FAM3D: variants seen among roughly 807,000 people sequenced by gnomAD.
The protein encoded by FAM3D is FAM3 metabolism regulating signaling molecule D.
FAM3D carries 26 observed loss-of-function variants against 29.8 expected under a neutral mutation model. That is an observed-to-expected ratio of 0.87 (90% CI 0.64 to 1.21). FAM3D has a LOEUF of 1.21. FAM3D is among the 50% of genes most tolerant of loss of function. The probability of loss-of-function intolerance (pLI) is 0.00; values close to 1 mark genes in which losing one functional copy is unlikely to be tolerated. For synonymous variants in FAM3D, 115 were observed against 102.3 expected, an observed-to-expected ratio of 1.12 and a Z score of -0.75; for missense variants, 253 against 290.9, an observed-to-expected ratio of 0.87 and a Z score of 0.95.
At chr3:58,643,164 G>A (rs1422344429) in intron 6 of FAM3D, among the ~76,000 whole-genome samples, 1 of 152,196 alleles carries the variant, frequency 6.6e-6, no homozygotes, top group Non-Finnish European at 1.5e-5. Context: ...ACCACATTGA[G>A]ATTGTTTGTG....
At position 58,633,992 on chromosome 3, in the gene FAM3D, G is replaced by A. The variant is rs2066087645; in HGVS notation, c.*287C>T. 2.4e-6 allele frequency: 1 copy of A among 420,050 alleles called. No homozygotes were observed. Among genetic ancestry groups the A allele is most frequent in the Non-Finnish European group, 4.2e-6 (1 of 235,610 alleles). 26.0% of individuals were successfully genotyped at this position (420,050 alleles called of 1,614,324 possible). The stretch of plus-strand genomic sequence containing the variant: ...ATTTAATTGGGCTCAAGTCTGGGCA[G>A]TTTGTCCTTCCTCAGGACCAGCCGT... On this transcript the variant is annotated 3_prime_UTR_variant, in exon 10 of 10. Coordinates refer to ENST00000358781, the MANE Select transcript of FAM3D (RefSeq NM_138805.3).
chr3:58,646,753 C>A (rs2066493990), intron 4 of FAM3D, among the ~76,000 whole-genome samples: 1 of 152,208 alleles, frequency 6.6e-6, no homozygotes, highest in Non-Finnish European at 1.5e-5. Flanking sequence ...CATGCCAAGA[C>A]CTTGCTGCAT....
chr3:58,651,922 A>G (rs1325847597), intron 3 of FAM3D, among the ~76,000 whole-genome samples: 2 of 152,188 alleles, frequency 1.3e-5, no homozygotes, highest in Non-Finnish European at 2.9e-5. Flanking sequence ...CATGCTTGAC[A>G]AGAAGCAAAC....
At chr3:58,656,813 C>A (rs1156977371) in intron 1 of FAM3D, among the ~76,000 whole-genome samples, 2 of 152,248 alleles carry the variant, frequency 1.3e-5, no homozygotes, top group Non-Finnish European at 2.9e-5. Flanking sequence ...CAGCCCCCAA[C>A]ACCCTCTTCA....
chr3:58,639,347 T>C (rs76216952), intron 7 of FAM3D, among the ~76,000 whole-genome samples: 1 of 152,344 alleles, frequency 6.6e-6, no homozygotes, highest in East Asian at 1.9e-4. Context: ...GCTGCCTCTA[T>C]GTCACAGATG....
Position 58,637,171 on chromosome 3 carries a change from A to G in FAM3D, c.428T>C (p.Leu143Pro), listed in dbSNP as rs1475588415. The change falls in exon 8 of 10, where the codon CTG (leucine) becomes CCG (proline). Residue 143 changes from leucine (L) to proline (P), a missense_variant. Coordinates refer to ENST00000358781, the MANE Select transcript of FAM3D (RefSeq NM_138805.3). ...CCCTGGATCGTCGTAGGAGGCCACC[A>G]GCACCAGTGCACCCCCCGGAATTTC... ...LKEIPGGALV[L>P]VASYDDPGTK... 1.2e-6 allele frequency: 2 copies of G among 1,614,080 alleles called. No individual in the cohort carries two copies. Among genetic ancestry groups the G allele is most frequent in the East Asian group, 4.5e-5 (2 of 44,882 alleles).
chr3:58,656,184 A>C (rs546735957), intron 1 of FAM3D, among the ~76,000 whole-genome samples: 1 of 152,346 alleles, frequency 6.6e-6, no homozygotes, highest in East Asian at 1.9e-4. Flanking sequence ...TTATTGTACC[A>C]AGATAAAGAG....
At chr3:58,645,804 T>G (rs2066462094) in intron 4 of FAM3D, among the ~76,000 whole-genome samples, 178 bp from the exon 5 acceptor site, 2 of 152,202 alleles carry the variant, frequency 1.3e-5, no homozygotes, top group Admixed American at 1.3e-4. Context: ...GGCTCCACAG[T>G]GCCTCCAACA....
rs139283053 is a variant in FAM3D, at chr3:58,646,578, C to A, written c.146-952G>T. Among the ~76,000 whole-genome samples the A allele has an allele frequency of 1.2e-4, 19 of 152,322 alleles. No individual in the cohort carries two copies. In the East Asian group the frequency reaches 3.5e-3, roughly 28 times the overall value. On this transcript the variant is annotated intron_variant, in intron 4 of 9. Coordinates refer to ENST00000358781, the MANE Select transcript of FAM3D (RefSeq NM_138805.3). Reference sequence around the variant, plus strand: ...CACCCGCTGACAGTTTGGAAGGCAGCATTAAGGAGGACTGGGTAAACATGG... The same window carrying A: ...CACCCGCTGACAGTTTGGAAGGCAGAATTAAGGAGGACTGGGTAAACATGG...
At chr3:58,649,021 G>A (rs2066552653) in intron 4 of FAM3D, among the ~76,000 whole-genome samples, 1 of 152,174 alleles carries the variant, frequency 6.6e-6, no homozygotes, top group Admixed American at 6.5e-5. Flanking sequence ...CAGGGGGCAG[G>A]GGCAGGGTTC....
chr3:58,653,142 A>G (rs1013449405), intron 3 of FAM3D, among the ~76,000 whole-genome samples: 1 of 152,220 alleles, frequency 6.6e-6, no homozygotes, highest in African/African-American at 2.4e-5. Context: ...AATGACAGAT[A>G]ATGATGGTGT....
intron 3 of FAM3D, among the ~76,000 whole-genome samples, chr3:58,651,561 T>C (rs1025792575): frequency 6.6e-6 from 1 of 152,242 alleles, no homozygotes; most frequent in Non-Finnish European, 1.5e-5. Context: ...TGAGGGTCCC[T>C]GGGGCCAAAC....
chr3:58,638,867 A>G (rs187871814), intron 7 of FAM3D, among the ~76,000 whole-genome samples: 1 of 152,342 alleles, frequency 6.6e-6, no homozygotes, highest in Admixed American at 6.5e-5. Flanking sequence ...TGACAAAAGG[A>G]GGGAGCTCTT....
At chr3:58,648,951 A>G (rs757596558) in intron 4 of FAM3D, among the ~76,000 whole-genome samples, 1 of 152,132 alleles carries the variant, frequency 6.6e-6, no homozygotes, top group East Asian at 1.9e-4. Flanking sequence ...GGTCACTGCA[A>G]TGGGGTTAAG....
intron 1 of FAM3D, among the ~76,000 whole-genome samples, chr3:58,663,648 G>A (rs6807389): frequency 0.96 from 145,883 of 152,260 alleles, 70,224 homozygotes; most frequent in East Asian, 1. Context: ...CTAAAGAATC[G>A]GGCCAACTCT....
At chr3:58,659,685 C>T (rs1347604653) in intron 1 of FAM3D, among the ~76,000 whole-genome samples, 1 of 152,152 alleles carries the variant, frequency 6.6e-6, no homozygotes, top group African/African-American at 2.4e-5. Flanking sequence ...CCGAGGCACA[C>T]AGTAGGTGTG....
At chr3:58,665,976 G>T (rs2067022632) in intron 1 of FAM3D, among the ~76,000 whole-genome samples, 2 of 152,184 alleles carry the variant, frequency 1.3e-5, no homozygotes, top group African/African-American at 4.8e-5. Context: ...AAAGGGACTA[G>T]CTCAATATTA....
chr3:58,640,096 CTG>C, intron 7 of FAM3D, 29 bp downstream of exon 7: 1 of 1,613,396 alleles, frequency 6.2e-7, no homozygotes, highest in Non-Finnish European at 8.5e-7. Context: ...GCACCCCCGA[CTG>C]TGACTTCAGT....
At chr3:58,646,928 G>A (rs950421124) in intron 4 of FAM3D, among the ~76,000 whole-genome samples, 2 of 152,186 alleles carry the variant, frequency 1.3e-5, no homozygotes, top group African/African-American at 4.8e-5. Context: ...GGTTTCCAGG[G>A]CCCTCCCTGG....
Sources: allele counts gnomAD v4.1 joint callset (sites outside exome capture counted in the v4.1 genomes callset), GRCh38; gene constraint gnomAD v4.1.1; transcripts MANE v1.5; gene names NCBI Gene and HGNC (gene_info 2026-07-23, HGNC 2026-07-21).